The following PAPPA2 variants were observed in gnomAD, a reference collection of about 807,000 sequenced individuals.
PAPPA2 encodes the protein pappalysin-2.
In PAPPA2, 86 loss-of-function variants were observed where a neutral mutation model predicts 176.4. That is an observed-to-expected ratio of 0.49 (90% CI 0.41 to 0.58). PAPPA2 has a LOEUF of 0.58. Among genes scored for constraint, PAPPA2 ranks in the 20% least tolerant of loss-of-function variants. The probability of loss-of-function intolerance (pLI) is 0.00; values close to 1 mark genes in which losing one functional copy is unlikely to be tolerated. For synonymous variants in PAPPA2, 809 were observed against 852.2 expected (o/e 0.95, Z 0.88); for missense variants, 2,073 against 2,256.9 (o/e 0.92, Z 1.65).
chr1:176,537,593 T>C (rs1425727863), intron 1 of PAPPA2, among the ~76,000 whole-genome samples: 2 of 152,340 alleles, frequency 1.3e-5, no homozygotes, highest in Non-Finnish European at 2.9e-5. Flanking sequence ...ACCTTGTCCA[T>C]GCACCAAGTC....
In PAPPA2 at chr1:176,468,182, G is replaced by A. The variant is rs896160077; in HGVS notation, c.-917+4764G>A. 3.3e-5 allele frequency among the ~76,000 whole-genome samples: 5 copies of A among 152,082 alleles called. No homozygotes were observed. The East Asian group carries it at 5.8e-4, about 18-fold the overall frequency. On this transcript the variant is annotated intron_variant, in intron 1 of 22. Coordinates refer to ENST00000367662, the MANE Select transcript of PAPPA2 (RefSeq NM_020318.3). ...CAGAGAGGAAGGTGATGTTTAACAC[G>A]GGCCTCTGAGATTCTTCCATCCTGG...
At chr1:176,791,022 C>G (rs1665150737) in intron 18 of PAPPA2, among the ~76,000 whole-genome samples, 1 of 152,144 alleles carries the variant, frequency 6.6e-6, no homozygotes, top group African/African-American at 2.4e-5. Flanking sequence ...ACAACACCAT[C>G]TGGGAAACAA....
chr1:176,541,844 A>G (rs1650382178), intron 1 of PAPPA2, among the ~76,000 whole-genome samples: 1 of 152,224 alleles, frequency 6.6e-6, no homozygotes, highest in Non-Finnish European at 1.5e-5. Context: ...AATGCTGCCC[A>G]CAGTATCTGA....
intron 1 of PAPPA2, among the ~76,000 whole-genome samples, chr1:176,527,389 A>G (rs1333949492): frequency 6.6e-6 from 1 of 152,186 alleles, no homozygotes; most frequent in Non-Finnish European, 1.5e-5. Flanking sequence ...CATCAAGTGT[A>G]AGTTTGTAGG....
chr1:176,596,576 C>T (rs1653998408), intron 3 of PAPPA2, among the ~76,000 whole-genome samples: 1 of 152,200 alleles, frequency 6.6e-6, no homozygotes, highest in Non-Finnish European at 1.5e-5. Context: ...CTGTTTAACA[C>T]TTAGTACTTC....
intron 1 of PAPPA2, among the ~76,000 whole-genome samples, chr1:176,548,441 C>T (rs1301729006): frequency 6.6e-6 from 1 of 152,106 alleles, no homozygotes; most frequent in African/African-American, 2.4e-5. Context: ...TGGACCCTCA[C>T]TCAATAGAGA....
At chr1:176,543,773 T>C (rs2102570159) in intron 1 of PAPPA2, among the ~76,000 whole-genome samples, 1 of 152,328 alleles carries the variant, frequency 6.6e-6, no homozygotes, top group African/African-American at 2.4e-5. Context: ...AGGGGTTGTA[T>C]TTTCAGCCCA....
intron 12 of PAPPA2, among the ~76,000 whole-genome samples, chr1:176,735,496 G>A (rs1662356877): frequency 6.6e-6 from 1 of 152,096 alleles, no homozygotes. Context: ...CATATTGAGT[G>A]TGTCTGTGCC....
intron 3 of PAPPA2, among the ~76,000 whole-genome samples, chr1:176,666,873 C>T (rs1302432090): frequency 6.6e-6 from 1 of 152,058 alleles, no homozygotes; most frequent in African/African-American, 2.4e-5. Flanking sequence ...GAAACAAATA[C>T]ATCTGAATAA....
rs182842376 is a variant in PAPPA2, at chr1:176,656,319, G to A, written c.1992-14651G>A. Among the ~76,000 whole-genome samples, 6 of 151,818 alleles carry A rather than the reference G, an allele frequency of 4.0e-5. No homozygotes were observed. The East Asian group carries it at 9.8e-4, about 25-fold the overall frequency. On this transcript the variant is annotated intron_variant, in intron 3 of 22. Coordinates refer to ENST00000367662, the MANE Select transcript of PAPPA2 (RefSeq NM_020318.3). ...ACAGAGTCTAGTTATATCTGAAACA[G>A]CCAAACTCCAAAGAGCAGTTTATAG... is the stretch of plus-strand genomic sequence containing the variant.
intron 2 of PAPPA2, among the ~76,000 whole-genome samples, chr1:176,591,660 A>G (rs1158753236): frequency 6.6e-6 from 1 of 152,228 alleles, no homozygotes; most frequent in Non-Finnish European, 1.5e-5. Flanking sequence ...TTGCACTTGC[A>G]TGGGTGAGCT....
intron 12 of PAPPA2, among the ~76,000 whole-genome samples, chr1:176,714,946 C>T (rs1218099140): frequency 6.6e-6 from 1 of 152,110 alleles, no homozygotes; most frequent in Admixed American, 6.5e-5. Context: ...CTAAATTTGT[C>T]ATCAACATTT....
intron 17 of PAPPA2, among the ~76,000 whole-genome samples, chr1:176,772,229 T>C (rs1403444836): frequency 6.6e-6 from 1 of 152,234 alleles, no homozygotes; most frequent in Admixed American, 6.5e-5. Context: ...ATAGTAGCTA[T>C]TCTTTCTCTA....
At chr1:176,616,350 A>C in intron 3 of PAPPA2, 2 of 567,448 alleles carry the variant, frequency 3.5e-6, no homozygotes, top group East Asian at 8.7e-5. Flanking sequence ...CTCCAAATAC[A>C]AAAGTTGCTT....
At chr1:176,608,087 A>G (rs938888336) in intron 3 of PAPPA2, among the ~76,000 whole-genome samples, 2 of 152,220 alleles carry the variant, frequency 1.3e-5, no homozygotes, top group East Asian at 1.9e-4. Flanking sequence ...TTTTCAAGAT[A>G]TCATCATTGA....
intron 1 of PAPPA2, among the ~76,000 whole-genome samples, chr1:176,548,063 G>T (rs1650736913): frequency 6.6e-6 from 1 of 152,038 alleles, no homozygotes; most frequent in African/African-American, 2.4e-5. Context: ...CATTAGAGAT[G>T]GTCATATCTT....
chr1:176,739,863 C>T, intron 13 of PAPPA2, 102 bp downstream of exon 13: 1 of 1,563,920 alleles, frequency 6.4e-7, no homozygotes, highest in Non-Finnish European at 8.7e-7. Flanking sequence ...ATCTTGCCTA[C>T]ATCATACATC....
At chr1:176,814,581 T>A (rs1235106823) in intron 21 of PAPPA2, among the ~76,000 whole-genome samples, 1 of 152,216 alleles carries the variant, frequency 6.6e-6, no homozygotes, top group African/African-American at 2.4e-5. Flanking sequence ...TTTGGCTCTG[T>A]GCTTGTCTGT....
Position 176,824,537 on chromosome 1 carries a change from T to C in PAPPA2, c.5203-15636T>C, listed in dbSNP as rs555890444. On this transcript the variant is annotated intron_variant, in intron 21 of 22. Coordinates refer to ENST00000367662, the MANE Select transcript of PAPPA2 (RefSeq NM_020318.3). ...GAATTAGTACTTTATTTCTAATTTA[T>C]TTTTTAATTAGAGAAACCAAGTAGT... Among the ~76,000 whole-genome samples, 23 of 152,334 alleles carry C rather than the reference T, an allele frequency of 1.5e-4. No homozygotes were observed. The East Asian group carries it at 4.4e-3, about 29-fold the overall frequency.
Sources: gnomAD v4.1 joint callset for allele counts (sites outside exome capture counted in the v4.1 genomes callset) on GRCh38, gnomAD v4.1.1 for gene constraint, MANE v1.5 for transcripts, NCBI Gene and HGNC (gene_info 2026-07-23, HGNC 2026-07-21) for gene names.